Variants in CYBRD1 observed in about 807,000 individuals in gnomAD.
CYBRD1 encodes cytochrome b reductase 1.
In CYBRD1, 14 loss-of-function variants were observed where a neutral mutation model predicts 21.9. The observed-to-expected ratio is 0.64, with a 90% CI of 0.42 to 1.00. The LOEUF is 1.00. CYBRD1 is among the 50% of genes least tolerant of loss of function. CYBRD1 has a pLI of 0.00. For missense variants in CYBRD1, 328 were observed against 352.5 expected (o/e 0.93, Z 0.56); for synonymous variants, 146 against 136.5 (o/e 1.07, Z -0.48).
At chr2:171,530,616 C>G (rs1416925371) in intron 1 of CYBRD1, among the ~76,000 whole-genome samples, 1 of 152,170 alleles carries the variant, frequency 6.6e-6, no homozygotes, top group Non-Finnish European at 1.5e-5. Flanking sequence ...TGGATCGTGG[C>G]TACGTGAGGA....
intron 3 of CYBRD1, 107 bp from the exon 4 acceptor site, chr2:171,554,417 T>G: frequency 9.3e-7 from 1 of 1,079,808 alleles, no homozygotes; most frequent in Non-Finnish European, 1.4e-6. Context: ...CTTTGAGAGT[T>G]TACATTGAAA....
intron 1 of CYBRD1, among the ~76,000 whole-genome samples, chr2:171,533,133 A>G (rs1273761135): frequency 6.6e-6 from 1 of 151,952 alleles, no homozygotes; most frequent in African/African-American, 2.4e-5. Flanking sequence ...TTGGGAGGCC[A>G]AGGTGGGCAG....
chr2:171,539,729 CTT>C (rs11463294), intron 1 of CYBRD1: 7 of 145,570 alleles, frequency 4.8e-5, no homozygotes, highest in Non-Finnish European at 6.0e-5. Context: ...CTTTTGTTTT[CTT>C]TTTTTTTTTT....
At chr2:171,540,784 T>TTTTTTTGTCTTGC (rs1697618084) in intron 1 of CYBRD1, 1 of 148,986 alleles carries the variant, frequency 6.7e-6, no homozygotes, top group African/African-American at 2.5e-5. Flanking sequence ...TTTTTTTTTT[T>TTTTTTTGTCTTGC]TTTTGTCTTC....
At chr2:171,542,978 A>G (rs1697657663) in intron 2 of CYBRD1, among the ~76,000 whole-genome samples, 1 of 152,228 alleles carries the variant, frequency 6.6e-6, no homozygotes, top group South Asian at 2.1e-4. Flanking sequence ...TGGAAAGAAA[A>G]CTTAAAATAC....
intron 2 of CYBRD1, among the ~76,000 whole-genome samples, chr2:171,550,434 A>G (rs925826693): frequency 2.0e-5 from 3 of 152,080 alleles, no homozygotes; most frequent in Admixed American, 2.0e-4. Context: ...TCCAGTACTG[A>G]CTTAGAGAGA....
Position 171,522,579 on chromosome 2 carries a change from C to T in CYBRD1, c.34C>T (p.Leu12=), listed in dbSNP as rs775970725. The part of the protein sequence containing the change: ...AMEGYWRFLA[L]LGSALLVGFL... ...GGAGGGCTACTGGCGCTTCCTGGCG[C>T]TGCTGGGGTCGGCACTGCTCGTCGG... The change falls in exon 1 of 4, where the codon CTG becomes TTG. Residue 12 remains leucine (L), a synonymous_variant. Transcript: ENST00000321348. This position sits in a 1 kb window ranked among gnomAD's most constrained non-coding sequence, Gnocchi z 4.3. The T allele has an allele frequency of 1.9e-6, 3 of 1,610,426 alleles. No individual in the cohort carries two copies. Among genetic ancestry groups the T allele is most frequent in the South Asian group, 2.2e-5 (2 of 90,076 alleles).
chr2:171,555,462 G>GAT lies in CYBRD1; in HGVS notation c.*636_*637dup, dbSNP rs1683469613. Reference sequence around the variant, plus strand: ...ATAGATTAGAGCAGGTGGTTGAAGAGATCTTCTCTGGTCAGACTTGGAAGA... The same window carrying GAT: ...ATAGATTAGAGCAGGTGGTTGAAGAGATATCTTCTCTGGTCAGACTTGGAAGA... On this transcript the variant is annotated 3_prime_UTR_variant, in exon 4 of 4. Coordinates refer to ENST00000321348, the MANE Select transcript of CYBRD1 (RefSeq NM_024843.4). 6.5e-6 allele frequency: 1 copy of GAT among 152,842 alleles called. No homozygotes were observed. The highest frequency in any genetic ancestry group is 2.4e-5 in the African/African-American group (1 of 41,440). The allele number at this position is 152,842 out of a possible 1,614,324, so 9.5% of individuals were successfully genotyped here.
At chr2:171,553,948 A>G (rs919402094) in intron 3 of CYBRD1, among the ~76,000 whole-genome samples, 1 of 152,230 alleles carries the variant, frequency 6.6e-6, no homozygotes, top group Non-Finnish European at 1.5e-5. Flanking sequence ...TGAAAATGAA[A>G]GTACACTCCA....
intron 2 of CYBRD1, among the ~76,000 whole-genome samples, chr2:171,546,852 T>C (rs1239361866): frequency 6.6e-6 from 1 of 151,842 alleles, no homozygotes. Context: ...GAGTTTGTGG[T>C]ATTTGAGGAG....
chr2:171,553,306 T>A, intron 2 of CYBRD1, 40 bp from the exon 3 acceptor site: 1 of 1,609,024 alleles, frequency 6.2e-7, no homozygotes, highest in Middle Eastern at 1.7e-4. Flanking sequence ...AGTTTAGAAC[T>A]TAAAATTAAA....
chr2:171,530,238 A>C (rs1469475984), intron 1 of CYBRD1, among the ~76,000 whole-genome samples: 1 of 152,162 alleles, frequency 6.6e-6, no homozygotes, highest in African/African-American at 2.4e-5. Context: ...AGAGATAATA[A>C]ATATGTTGTT....
intron 1 of CYBRD1, among the ~76,000 whole-genome samples, chr2:171,528,316 C>T (rs1697414534): frequency 6.6e-6 from 1 of 151,846 alleles, no homozygotes; most frequent in African/African-American, 2.4e-5. Flanking sequence ...AACTCCCGAC[C>T]TCAGGTGATC....
upstream of CYBRD1, chr2:171,522,358 G>T: frequency 6.6e-7 from 1 of 1,504,504 alleles, no homozygotes; most frequent in Non-Finnish European, 8.9e-7. The surrounding 1 kb of genome is among the most constrained non-coding windows in gnomAD (Gnocchi z 4.3). Flanking sequence ...CCATTTCTGA[G>T]TTGGGGCCAG....
chr2:171,522,482 C>T lies in CYBRD1; in HGVS notation c.-64C>T. On this transcript the variant is annotated 5_prime_UTR_variant, in exon 1 of 4. Coordinates refer to ENST00000321348, the MANE Select transcript of CYBRD1 (RefSeq NM_024843.4). The surrounding 1 kb of genome is among the most constrained non-coding windows in gnomAD (Gnocchi z 4.3). ...CCCGGTCCCGCCGCCCGGCCACTACCCAGAGGGCTGCCGCCGCCTCTCCAA... is the reference window on the plus strand; with the variant it reads ...CCCGGTCCCGCCGCCCGGCCACTACTCAGAGGGCTGCCGCCGCCTCTCCAA... 6.5e-7 allele frequency: 1 copy of T among 1,548,860 alleles called. No individual in the cohort carries two copies. The highest frequency in any genetic ancestry group is 1.2e-5 in the South Asian group (1 of 84,112).
At chr2:171,539,735 T>A (rs904923352) in intron 1 of CYBRD1, 1 of 151,732 alleles carries the variant, frequency 6.6e-6, no homozygotes, top group Non-Finnish European at 1.5e-5. Flanking sequence ...TTTTCTTTTT[T>A]TTTTTTTCCC....
At chr2:171,524,447 A>G (rs1218780615) in intron 1 of CYBRD1, among the ~76,000 whole-genome samples, 1 of 152,172 alleles carries the variant, frequency 6.6e-6, no homozygotes, top group Non-Finnish European at 1.5e-5. Context: ...TAATACCAAA[A>G]AGCTTTCTGG....
chr2:171,543,212 C>G (rs1697662107), intron 2 of CYBRD1, among the ~76,000 whole-genome samples: 1 of 152,176 alleles, frequency 6.6e-6, no homozygotes, highest in South Asian at 2.1e-4. Flanking sequence ...TCTAACAAGG[C>G]CAGTATCAAG....
At chr2:171,525,543 C>A (rs565293617) in intron 1 of CYBRD1, among the ~76,000 whole-genome samples, 1 of 152,044 alleles carries the variant, frequency 6.6e-6, no homozygotes, top group African/African-American at 2.4e-5. Flanking sequence ...GTTACAGACT[C>A]GCCATGTTAT....
Sources: allele counts gnomAD v4.1 joint callset (sites outside exome capture counted in the v4.1 genomes callset), GRCh38; gene constraint gnomAD v4.1.1; non-coding constraint Gnocchi (gnomAD v3.1); transcripts MANE v1.5; gene names NCBI Gene and HGNC (gene_info 2026-07-23, HGNC 2026-07-21).